The following DECR1 variants were observed in gnomAD, a reference collection of about 807,000 sequenced individuals.
DECR1 encodes the protein 2,4-dienoyl-CoA reductase 1, also known as 2,4-dienoyl-CoA reductase [(3E)-enoyl-CoA-producing], mitochondrial.
Under a neutral mutation model 38.8 loss-of-function variants are expected in DECR1, and 44 were observed. The ratio of observed to expected loss-of-function variants is 1.13; its 90% CI spans 0.89 to 1.46. The LOEUF is 1.46. Among genes scored for constraint, DECR1 ranks in the 40% most tolerant of loss-of-function variants. The pLI, the probability that DECR1 is intolerant of heterozygous loss-of-function variation, is 0.00. For synonymous variants in DECR1, 148 were observed against 135.2 expected, an observed-to-expected ratio of 1.09 and a Z score of -0.66; for missense variants, 428 against 405.5, an observed-to-expected ratio of 1.06 and a Z score of -0.48.
intron 7 of DECR1, among the ~76,000 whole-genome samples, chr8:90,044,087 T>C (rs1023670261): frequency 1.3e-5 from 2 of 152,112 alleles, no homozygotes; most frequent in African/African-American, 4.8e-5. Flanking sequence ...AAAAGAAAAC[T>C]GAAGTGTAGA....
intron 6 of DECR1, among the ~76,000 whole-genome samples, chr8:90,041,785 T>C (rs551984482): frequency 8.5e-5 from 13 of 152,304 alleles, no homozygotes; most frequent in African/African-American, 3.1e-4. Context: ...TCAGTACATT[T>C]AGATATTAGC....
At position 90,051,711 on chromosome 8, in the gene DECR1, T is replaced by C. The variant is rs1586172167; in HGVS notation, c.920T>C (p.Ile307Thr). 6.2e-7 allele frequency: 1 copy of C among 1,612,954 alleles called. No homozygotes were observed. Among genetic ancestry groups the C allele is most frequent in the East Asian group, 2.2e-5 (1 of 44,814 alleles). ...TTTGACGGTGGAGAGGAAGTACTTA[T>C]TTCAGGGGAATTCAACGACCTGAGA... ...IKFDGGEEVL[I>T]SGEFNDLRKV... Residue 307 changes from isoleucine to threonine, a missense_variant, in exon 9 of 10, where the codon ATT (isoleucine) becomes ACT (threonine). Coordinates refer to ENST00000220764, the MANE Select transcript of DECR1 (RefSeq NM_001359.2).
chr8:90,051,870 A>T lies in DECR1; in HGVS notation c.981A>T (p.Glu327Asp), dbSNP rs750967110. ...VTKEQWDTIE[E>D]LIRKTKGS Reference sequence around the variant, plus strand: ...AGGAGCAGTGGGACACCATAGAAGAACTCATCAGGAAGACAAAAGGTTCCT... The same window carrying T: ...AGGAGCAGTGGGACACCATAGAAGATCTCATCAGGAAGACAAAAGGTTCCT... The change falls in exon 10 of 10, where the codon GAA becomes GAT. Residue 327 changes from glutamate (E) to aspartate (D), a missense_variant. Transcript: ENST00000220764. 1.2e-6 allele frequency: 2 copies of T among 1,613,652 alleles called. No homozygotes were observed. The highest frequency in any genetic ancestry group is 2.7e-5 in the African/African-American group (2 of 74,892).
In DECR1 at chr8:90,053,454, AATG is replaced by A. The variant is rs1814142622; in HGVS notation, c.*1561_*1563del. On this transcript the variant is annotated 3_prime_UTR_variant, in exon 10 of 10. Coordinates refer to ENST00000220764, the MANE Select transcript of DECR1 (RefSeq NM_001359.2). ...GTTGATATTGTGTTCACACACCAAT[AATG>A]ATGGTTTATCACTCACTCCATTTCC... is the stretch of plus-strand genomic sequence containing the variant. Among the ~76,000 whole-genome samples the A allele has an allele frequency of 6.6e-6, 1 of 152,114 alleles. No individual in the cohort carries two copies. The highest frequency in any genetic ancestry group is 2.4e-5 in the African/African-American group (1 of 41,406).
At chr8:90,044,791 T>A in intron 7 of DECR1, 58 bp from the exon 8 acceptor site, 1 of 1,543,802 alleles carries the variant, frequency 6.5e-7, no homozygotes, top group Non-Finnish European at 8.8e-7. Flanking sequence ...TTTTCTTGAG[T>A]AGGAAAGGAA....
intron 8 of DECR1, among the ~76,000 whole-genome samples, chr8:90,046,118 A>C (rs1238283065): frequency 6.6e-6 from 1 of 152,260 alleles, no homozygotes; most frequent in African/African-American, 2.4e-5. Flanking sequence ...TCTGAAATTC[A>C]GAGCGCCTCT....
chr8:90,009,906 T>C (rs573055858), intron 1 of DECR1, among the ~76,000 whole-genome samples: 1 of 152,316 alleles, frequency 6.6e-6, no homozygotes, highest in African/African-American at 2.4e-5. Context: ...ACCACTGTAA[T>C]AAAATGAGAT....
chr8:90,016,500 GGTGT>G (rs765339653), intron 1 of DECR1, among the ~76,000 whole-genome samples: 1 of 151,998 alleles, frequency 6.6e-6, no homozygotes, highest in Non-Finnish European at 1.5e-5. Context: ...ACGGCGTGGT[GGTGT>G]GTGCCTGTAA....
chr8:90,018,043 C>T (rs564321937), intron 2 of DECR1, among the ~76,000 whole-genome samples: 1 of 152,272 alleles, frequency 6.6e-6, no homozygotes, highest in Non-Finnish European at 1.5e-5. Context: ...CCTGCCACCA[C>T]ACCTGGCTAA....
chr8:90,026,531 C>T (rs1013954779), intron 5 of DECR1, among the ~76,000 whole-genome samples: 18 of 152,174 alleles, frequency 1.2e-4, no homozygotes, highest in African/African-American at 3.9e-4. Context: ...ATAGTATTCT[C>T]TGATGAGAGT....
At chr8:90,045,946 C>T (rs1195357974) in intron 8 of DECR1, among the ~76,000 whole-genome samples, 3 of 152,210 alleles carry the variant, frequency 2.0e-5, no homozygotes, top group Admixed American at 1.3e-4. Context: ...GTCCAGCAAA[C>T]TCCAACAGAC....
chr8:90,040,494 C>CT (rs759516275), intron 6 of DECR1, among the ~76,000 whole-genome samples: 27 of 152,088 alleles, frequency 1.8e-4, no homozygotes, highest in Non-Finnish European at 3.4e-4. Context: ...TAAAATTATA[C>CT]TTTAAGTTCT....
intron 6 of DECR1, among the ~76,000 whole-genome samples, chr8:90,039,945 GTTC>G (rs1813713717): frequency 6.6e-6 from 1 of 152,170 alleles, no homozygotes; most frequent in Non-Finnish European, 1.5e-5. Context: ...TGCATATATT[GTTC>G]TTAGCATCTT....
chr8:90,023,256 T>C (rs1813210849), intron 5 of DECR1, among the ~76,000 whole-genome samples: 1 of 152,244 alleles, frequency 6.6e-6, no homozygotes, highest in Non-Finnish European at 1.5e-5. Flanking sequence ...TTTGGTGCTA[T>C]TGCAAATGGC....
intron 5 of DECR1, among the ~76,000 whole-genome samples, chr8:90,023,061 A>T (rs569974537): frequency 6.6e-6 from 1 of 152,236 alleles, no homozygotes; most frequent in South Asian, 2.1e-4. Context: ...GCGGTAAAGG[A>T]TTTGTTCTGG....
intron 1 of DECR1, among the ~76,000 whole-genome samples, chr8:90,012,737 T>G (rs1812916854): frequency 1.3e-5 from 2 of 152,192 alleles, no homozygotes; most frequent in South Asian, 4.1e-4. Context: ...TTCCTAAGCA[T>G]CCTGATATGT....
At chr8:90,035,573 G>C (rs1266163207) in intron 5 of DECR1, among the ~76,000 whole-genome samples, 1 of 151,832 alleles carries the variant, frequency 6.6e-6, no homozygotes, top group Non-Finnish European at 1.5e-5. Flanking sequence ...AATATTTTCA[G>C]TGAAATCTTT....
intron 5 of DECR1, among the ~76,000 whole-genome samples, chr8:90,035,532 A>G (rs1235644113): frequency 2.0e-5 from 3 of 151,830 alleles, no homozygotes; most frequent in Non-Finnish European, 4.4e-5. Context: ...ATTGGTTTCT[A>G]TTTTGTATTT....
intron 7 of DECR1, 107 bp from the exon 8 acceptor site, chr8:90,044,742 G>A: frequency 8.4e-7 from 1 of 1,187,490 alleles, no homozygotes; most frequent in Non-Finnish European, 1.2e-6. Flanking sequence ...AAAGCCTAAG[G>A]TTTTAAGCTG....
Sources: allele counts gnomAD v4.1 joint callset (sites outside exome capture counted in the v4.1 genomes callset), GRCh38; gene constraint gnomAD v4.1.1; transcripts MANE v1.5; gene names NCBI Gene and HGNC (gene_info 2026-07-23, HGNC 2026-07-21).